The following LSM11 variants were observed in gnomAD, a reference collection of about 807,000 sequenced individuals.
The protein encoded by LSM11 is LSM11, U7 small nuclear RNA associated.
LSM11 carries 14 observed loss-of-function variants against 28.1 expected under a neutral mutation model. That is an observed-to-expected ratio of 0.50 (90% CI 0.33 to 0.78). The LOEUF (loss-of-function observed/expected upper bound fraction) is 0.78, where lower values mean the gene tolerates loss of function less well. Ranked by LOEUF, LSM11 falls within the 30% of genes least tolerant of loss-of-function variation. The pLI is 0.02. For missense variants in LSM11, 495 were observed against 510.6 expected, an observed-to-expected ratio of 0.97 and a Z score of 0.30; for synonymous variants, 207 against 214.2, an observed-to-expected ratio of 0.97 and a Z score of 0.30.
intron 2 of LSM11, 58 bp downstream of exon 2, chr5:157,751,587 T>C: frequency 2.1e-6 from 3 of 1,449,572 alleles, no homozygotes. Flanking sequence ...TCTTCTATAA[T>C]ATTTAAAGGA....
chr5:157,749,652 T>A (rs754322952), intron 1 of LSM11, among the ~76,000 whole-genome samples: 5 of 152,122 alleles, frequency 3.3e-5, no homozygotes, highest in Non-Finnish European at 4.4e-5. Flanking sequence ...TACAAAGGAC[T>A]TTAAAATACT....
Position 157,754,562 on chromosome 5 carries a change from G to A in LSM11, c.673-292G>A, listed in dbSNP as rs1308578658. On this transcript the variant is annotated intron_variant, in intron 3 of 3. Coordinates refer to ENST00000286307, the MANE Select transcript of LSM11 (RefSeq NM_173491.4). ...CAAAAATTAGTTGGGCAGGGTGGCA[G>A]GCGCCTGTAGTCCTAGCTACTTGGG... Among the ~76,000 whole-genome samples, 4 of 151,862 alleles carry A rather than the reference G, an allele frequency of 2.6e-5. No homozygotes were observed. The East Asian group carries it at 7.7e-4, about 29-fold the overall frequency.
intron 1 of LSM11, chr5:157,747,484 C>T (rs555629242): frequency 4.4e-6 from 1 of 226,062 alleles, no homozygotes; most frequent in East Asian, 1.1e-4. Flanking sequence ...TTCAGTTTTC[C>T]TGCAGGGAGC....
At position 157,756,280 on chromosome 5, in the gene LSM11, C is replaced by CA. The variant is rs1405355092; in HGVS notation, c.*1019dup. 2.6e-5 allele frequency: 4 copies of CA among 152,660 alleles called. No individual in the cohort carries two copies. Among genetic ancestry groups the CA allele is most frequent in the Admixed American group, 2.0e-4 (3 of 15,286 alleles). The allele number at this position is 152,660 out of a possible 1,614,324, so 9.5% of individuals were successfully genotyped here. Reference sequence around the variant, plus strand: ...TTGTGTCAGGCCAAAGAAGTTCTTACAAAGTACAGTGGGTAGTGTCTAAAG... The same window carrying CA: ...TTGTGTCAGGCCAAAGAAGTTCTTACAAAAGTACAGTGGGTAGTGTCTAAAG... On this transcript the variant is annotated 3_prime_UTR_variant, in exon 4 of 4. Coordinates refer to ENST00000286307, the MANE Select transcript of LSM11 (RefSeq NM_173491.4).
In LSM11 at chr5:157,755,285, G is replaced by T. The variant is rs1358561462; in HGVS notation, c.*21G>T. 1.9e-6 allele frequency: 3 copies of T among 1,604,566 alleles called. No individual in the cohort carries two copies. The highest frequency in any genetic ancestry group is 2.7e-5 in the African/African-American group (2 of 74,666). On this transcript the variant is annotated 3_prime_UTR_variant, in exon 4 of 4. Coordinates refer to ENST00000286307, the MANE Select transcript of LSM11 (RefSeq NM_173491.4). Reference sequence around the variant, plus strand: ...AGTGACCAGCTCAGCCTGAGCTTTGGTTTTTAGAAATAAAGTGCATGAATT... The same window carrying T: ...AGTGACCAGCTCAGCCTGAGCTTTGTTTTTTAGAAATAAAGTGCATGAATT...
intron 2 of LSM11, among the ~76,000 whole-genome samples, chr5:157,753,365 A>C (rs547855737): frequency 6.6e-6 from 1 of 152,206 alleles, no homozygotes; most frequent in Non-Finnish European, 1.5e-5. Context: ...AGTGGTGATT[A>C]TAACAGTACT....
chr5:157,756,877 A>G lies in LSM11; in HGVS notation c.*1613A>G, dbSNP rs1050375992. On this transcript the variant is annotated 3_prime_UTR_variant, in exon 4 of 4. Coordinates refer to ENST00000286307, the MANE Select transcript of LSM11 (RefSeq NM_173491.4). ...AAGCAAGGCAGGTGCTACATAAAAA[A>G]GTAATCTCAGCCAGGCACGGTGGCT... The G allele has an allele frequency of 2.0e-5, 3 of 152,630 alleles. No homozygotes were observed. Among genetic ancestry groups the G allele is most frequent in the African/African-American group, 4.8e-5 (2 of 41,446 alleles). 9.5% of individuals were successfully genotyped at this position (152,630 alleles called of 1,614,324 possible).
At chr5:157,748,222 A>C (rs1761175329) in intron 1 of LSM11, among the ~76,000 whole-genome samples, 1 of 152,162 alleles carries the variant, frequency 6.6e-6, no homozygotes, top group Non-Finnish European at 1.5e-5. Flanking sequence ...TTGTGGTTTC[A>C]TTTCTCTGGG....
chr5:157,744,021 G>C lies in LSM11; in HGVS notation c.271G>C (p.Gly91Arg). The C allele has an allele frequency of 7.4e-7, 1 of 1,356,134 alleles. No homozygotes were observed. The allele number at this position is 1,356,134 out of a possible 1,614,324, so 84.0% of individuals were successfully genotyped here. A position where few individuals can be genotyped will look rare whatever the true frequency, so the allele number is the denominator to read the frequency against. The change falls in exon 1 of 4, where the codon GGG becomes CGG. Residue 91 changes from glycine to arginine, a missense_variant. Physicochemically the swap from Gly to Arg is moderately radical, Grantham distance 125. Transcript: ENST00000286307. Reference protein sequence around the residue: ...AAGSGVPAAPGPSGRTRRRPD... With the variant: ...AAGSGVPAAPRPSGRTRRRPD... ...GGGCTCTGGGGTTCCCGCCGCACCC[G>C]GGCCCTCGGGCAGGACTCGTCGCCG...
chr5:157,752,364 A>T (rs1761250636), intron 2 of LSM11, among the ~76,000 whole-genome samples: 1 of 151,218 alleles, frequency 6.6e-6, no homozygotes, highest in East Asian at 2.0e-4. Context: ...TCCAGACCTC[A>T]GGTAATCCGC....
At chr5:157,744,270 G>A in intron 1 of LSM11, 72 bp downstream of exon 1, 1 of 1,158,474 alleles carries the variant, frequency 8.6e-7, no homozygotes, top group Non-Finnish European at 1.1e-6. Flanking sequence ...GGCGTCTGCG[G>A]GGCGGCGGTG....
Position 157,755,485 on chromosome 5 carries a change from G to T in LSM11, c.*221G>T. 1.7e-6 allele frequency: 1 copy of T among 574,994 alleles called. No individual in the cohort carries two copies. The highest frequency in any genetic ancestry group is 3.1e-6 in the Non-Finnish European group (1 of 326,702). The allele number at this position is 574,994 out of a possible 1,614,324, so 35.6% of individuals were successfully genotyped here. A position where few individuals can be genotyped will look rare whatever the true frequency, so the allele number is the denominator to read the frequency against. The stretch of plus-strand genomic sequence containing the variant: ...AATATCAAGGCAAAAAGCATTCATA[G>T]ATACATGCATCTGATTTGGTATTGT... On this transcript the variant is annotated 3_prime_UTR_variant, in exon 4 of 4. Coordinates refer to ENST00000286307, the MANE Select transcript of LSM11 (RefSeq NM_173491.4).
chr5:157,747,993 CTGTG>C (rs5872520), intron 1 of LSM11, among the ~76,000 whole-genome samples: 2,598 of 148,410 alleles, frequency 0.018, 30 homozygotes, highest in South Asian at 0.047. Flanking sequence ...CACCACACTG[CTGTG>C]TGTGTGTGTG....
Position 157,758,838 on chromosome 5 carries a change from G to C in LSM11, c.*3574G>C, listed in dbSNP as rs1761370433. The C allele has an allele frequency of 6.6e-6, 1 of 152,172 alleles. No homozygotes were observed. The highest frequency in any genetic ancestry group is 1.9e-4 in the East Asian group (1 of 5,206). The allele number at this position is 152,172 out of a possible 1,614,324, so 9.4% of individuals were successfully genotyped here. On this transcript the variant is annotated 3_prime_UTR_variant, in exon 4 of 4. Coordinates refer to ENST00000286307, the MANE Select transcript of LSM11 (RefSeq NM_173491.4). ...GGTCTTCTCAAAAGTATCTACCTTT[G>C]TTAGATAATAACAAGTGATTAAGAA...
rs1390614067 is a variant in LSM11 at position 157,743,915 on chromosome 5, C to T, written c.165C>T (p.Asn55=). ...IPYPNAPCFN[N]VAEYESFLRT... is the part of the protein sequence containing the mutation. ...ACCCCAATGCCCCCTGCTTCAACAA[C>T]GTGGCGGAGTACGAGAGCTTCCTCA... is the stretch of plus-strand genomic sequence containing the variant. Residue 55 remains asparagine (N), a synonymous_variant, in exon 1 of 4, where the codon AAC becomes AAT. Coordinates refer to ENST00000286307, the MANE Select transcript of LSM11 (RefSeq NM_173491.4). 2.6e-6 allele frequency: 4 copies of T among 1,509,900 alleles called. No individual in the cohort carries two copies. Among genetic ancestry groups the T allele is most frequent in the East Asian group, 5.4e-5 (2 of 37,132 alleles). The allele number at this position is 1,509,900 out of a possible 1,614,324, so 93.5% of individuals were successfully genotyped here.
At chr5:157,753,831 C>G (rs1194325893) in intron 2 of LSM11, among the ~76,000 whole-genome samples, 173 bp from the exon 3 acceptor site, 2 of 152,170 alleles carry the variant, frequency 1.3e-5, no homozygotes, top group Non-Finnish European at 2.9e-5. Context: ...AAAAATATTA[C>G]ACAGAAGGTA....
intron 1 of LSM11, among the ~76,000 whole-genome samples, chr5:157,746,256 G>C (rs928846199): frequency 1.3e-5 from 2 of 152,188 alleles, no homozygotes; most frequent in Non-Finnish European, 2.9e-5. Flanking sequence ...GGAAAAAAAT[G>C]CCTATGCATT....
rs558878274 is a variant in LSM11, at chr5:157,744,972, G to A, written c.448+774G>A. On this transcript the variant is annotated intron_variant, in intron 1 of 3. Transcript: ENST00000286307. ...CCTGGCTGGGTGCAGGACTGTGTCT[G>A]TCAGGCTCATATTACCATATGTGCA... Among the ~76,000 whole-genome samples the A allele has an allele frequency of 5.9e-5, 9 of 152,040 alleles. No homozygotes were observed. In the East Asian group the frequency reaches 1.5e-3, roughly 26 times the overall value.
intron 1 of LSM11, among the ~76,000 whole-genome samples, chr5:157,745,370 C>T (rs890514514): frequency 6.6e-6 from 1 of 152,166 alleles, no homozygotes; most frequent in African/African-American, 2.4e-5. Flanking sequence ...CGTGTGCCTT[C>T]GTTGGATGTC....
Sources: gnomAD v4.1 joint callset for allele counts (sites outside exome capture counted in the v4.1 genomes callset) on GRCh38, gnomAD v4.1.1 for gene constraint, MANE v1.5 for transcripts, NCBI Gene and HGNC (gene_info 2026-07-23, HGNC 2026-07-21) for gene names.